Variants in IFT74 observed in about 807,000 individuals in gnomAD.
IFT74 encodes intraflagellar transport 74.
In IFT74, 92 loss-of-function variants were observed where a neutral mutation model predicts 96.7. The ratio of observed to expected loss-of-function variants is 0.95; its 90% CI spans 0.80 to 1.13. The LOEUF is 1.13. IFT74 is among the 50% of genes most tolerant of loss of function. The pLI is 0.00. For missense variants in IFT74, 811 were observed against 698.2 expected (o/e 1.16, Z -1.82); for synonymous variants, 223 against 213.2 (o/e 1.05, Z -0.40).
intron 13 of IFT74, among the ~76,000 whole-genome samples, chr9:27,038,733 G>A (rs1247829239): frequency 1.3e-5 from 2 of 152,194 alleles, no homozygotes; most frequent in Non-Finnish European, 2.9e-5. Context: ...GATGATGACA[G>A]TGATAACAGA....
chr9:27,020,823 A>G (rs976214031), intron 12 of IFT74, among the ~76,000 whole-genome samples: 1 of 151,974 alleles, frequency 6.6e-6, no homozygotes, highest in Admixed American at 6.6e-5. Flanking sequence ...ATTTGGTTAC[A>G]TGGATAATTT....
In IFT74 at chr9:26,976,881, G is replaced by T. The variant is rs73436005; in HGVS notation, c.121-1247G>T. ...TTGCATACCTGAAGTAGAGAATCTT[G>T]TTGAGTAATAATATGAATGCTTGTT... On this transcript the variant is annotated intron_variant, in intron 2 of 19. Coordinates refer to ENST00000380062, the MANE Select transcript of IFT74 (RefSeq NM_025103.4). The T allele has an allele frequency of 2.5e-3, 1,090 of 434,042 alleles. 11 individuals carry two copies. The highest frequency in any genetic ancestry group is 0.02 in the African/African-American group (978 of 49,224). The allele number at this position is 434,042 out of a possible 1,614,324, so 26.9% of individuals were successfully genotyped here.
intron 17 of IFT74, 131 bp downstream of exon 17, chr9:27,055,903 A>G: frequency 3.3e-6 from 2 of 609,186 alleles, no homozygotes; most frequent in Non-Finnish European, 5.0e-6. Flanking sequence ...GAGAAAAAAT[A>G]AAAATGTTTA....
chr9:26,958,457 C>G lies in IFT74; in HGVS notation c.-20+1941C>G, dbSNP rs150434517. On this transcript the variant is annotated intron_variant, in intron 1 of 19. Transcript: ENST00000380062. ...ATAGTCCACCTGAGTCAGTGATGCCCTGAATTGGCCAGTGCTGTAGGAATA... is the reference window on the plus strand; with the variant it reads ...ATAGTCCACCTGAGTCAGTGATGCCGTGAATTGGCCAGTGCTGTAGGAATA... Among the ~76,000 whole-genome samples, 10 of 152,258 alleles carry G rather than the reference C, an allele frequency of 6.6e-5. No individual in the cohort carries two copies. The East Asian group carries it at 1.7e-3, about 26-fold the overall frequency.
chr9:27,029,582 TA>T, intron 13 of IFT74, among the ~76,000 whole-genome samples: 1 of 152,242 alleles, frequency 6.6e-6, no homozygotes, highest in East Asian at 1.9e-4. Context: ...ACCACATCTC[TA>T]CTAAAAATAC....
intron 10 of IFT74, among the ~76,000 whole-genome samples, chr9:27,015,213 G>C (rs973439491): frequency 2.6e-5 from 4 of 152,090 alleles, no homozygotes; most frequent in Non-Finnish European, 5.9e-5. Context: ...TTTTAGCATG[G>C]CTTTTTTTAA....
chr9:27,028,792 T>TC, intron 12 of IFT74: 1 of 285,440 alleles, frequency 3.5e-6, no homozygotes, highest in South Asian at 8.4e-5. Flanking sequence ...AGATTCTTCC[T>TC]CTCTAAATTT....
chr9:26,976,774 C>A, intron 2 of IFT74: 1 of 456,040 alleles, frequency 2.2e-6, no homozygotes. Context: ...TTTATATCTT[C>A]TCATGCCTGT....
At chr9:27,050,681 A>G (rs1819881203) in intron 16 of IFT74, among the ~76,000 whole-genome samples, 1 of 143,284 alleles carries the variant, frequency 7.0e-6, no homozygotes, top group African/African-American at 2.6e-5. Flanking sequence ...TGGGAATTGA[A>G]CAATGAGAAC....
chr9:27,052,184 T>G (rs1015847313), intron 16 of IFT74, among the ~76,000 whole-genome samples: 2 of 152,144 alleles, frequency 1.3e-5, no homozygotes, highest in Admixed American at 1.3e-4. Flanking sequence ...ATTCCGTACT[T>G]TATACTTTGT....
chr9:27,003,679 A>G (rs1828624469), intron 8 of IFT74, among the ~76,000 whole-genome samples: 1 of 152,168 alleles, frequency 6.6e-6, no homozygotes, highest in African/African-American at 2.4e-5. Flanking sequence ...CCATTTATGC[A>G]CATTCCCCTT....
chr9:27,001,809 C>G (rs1289629200), intron 8 of IFT74, among the ~76,000 whole-genome samples: 1 of 151,996 alleles, frequency 6.6e-6, no homozygotes, highest in Non-Finnish European at 1.5e-5. Context: ...TGTGCACAAG[C>G]TTTTTTGCTT....
At position 27,009,156 on chromosome 9, in the gene IFT74, C is replaced by T; in HGVS notation, c.724C>T (p.Gln242Ter). Residue 242 changes from glutamine (Q) to a stop codon, truncating the protein, a stop_gained and splice_region_variant, in exon 9 of 20, where the codon CAG becomes TAG. Coordinates refer to ENST00000380062, the MANE Select transcript of IFT74 (RefSeq NM_025103.4). LOFTEE classifies it high-confidence loss of function. ...EMKTTNEKLL[Q>*]ELDTLQQQLD... ...GAAAACCACAAATGAGAAACTGTTA[C>T]AGGTAATACAAATTACTGCTGTGTG... is the stretch of plus-strand genomic sequence containing the variant. 1 of 1,610,754 alleles carries T rather than the reference C, an allele frequency of 6.2e-7. No homozygotes were observed. The highest frequency in any genetic ancestry group is 2.2e-5 in the East Asian group (1 of 44,728).
chr9:27,050,482 A>G (rs1819872579), intron 16 of IFT74, among the ~76,000 whole-genome samples: 1 of 152,166 alleles, frequency 6.6e-6, no homozygotes, highest in South Asian at 2.1e-4. Flanking sequence ...GGATAAGGTC[A>G]TGTAAAAATT....
chr9:26,998,796 C>A (rs1432207583), intron 8 of IFT74, among the ~76,000 whole-genome samples: 2 of 149,838 alleles, frequency 1.3e-5, no homozygotes, highest in African/African-American at 4.9e-5. Context: ...CCAGCCTGTC[C>A]AACACAGTGA....
intron 13 of IFT74, among the ~76,000 whole-genome samples, chr9:27,038,870 A>G (rs1296700259): frequency 6.6e-6 from 1 of 152,224 alleles, no homozygotes; most frequent in Non-Finnish European, 1.5e-5. Context: ...AGGGATAGCA[A>G]CATGCCTACA....
chr9:27,017,197 C>A, intron 11 of IFT74, 147 bp downstream of exon 11: 1 of 476,054 alleles, frequency 2.1e-6, no homozygotes, highest in Non-Finnish European at 3.5e-6. Context: ...ACTTTTTAAT[C>A]TAGATTTTCT....
intron 13 of IFT74, among the ~76,000 whole-genome samples, chr9:27,039,245 C>T (rs1010956923): frequency 2.6e-5 from 4 of 152,168 alleles, no homozygotes; most frequent in African/African-American, 4.8e-5. Flanking sequence ...TGCCCAGGCT[C>T]GTCTCGAACT....
rs528971987 is a variant in IFT74 at position 27,004,856 on chromosome 9, A to G, written c.588-4164A>G. 1.2e-3 allele frequency among the ~76,000 whole-genome samples: 190 copies of G among 152,318 alleles called. 1 individual carries two copies. The highest frequency in any genetic ancestry group is 1.9e-3 in the Non-Finnish European group (126 of 68,006). ...CTAGCATATGATCTACGTTACTGAA[A>G]AAAAAAGAGCTTTACTCAAAGGAAA... On this transcript the variant is annotated intron_variant, in intron 8 of 19. Coordinates refer to ENST00000380062, the MANE Select transcript of IFT74 (RefSeq NM_025103.4).
Sources: allele counts gnomAD v4.1 joint callset (sites outside exome capture counted in the v4.1 genomes callset), GRCh38; gene constraint gnomAD v4.1.1; transcripts MANE v1.5; gene names NCBI Gene and HGNC (gene_info 2026-07-23, HGNC 2026-07-21).